The following LRP1B variants were observed in gnomAD, a reference collection of about 807,000 sequenced individuals.
LRP1B encodes the protein LDL receptor related protein 1B.
LRP1B carries 217 observed loss-of-function variants against 556.6 expected under a neutral mutation model. That is an observed-to-expected ratio of 0.39 (90% CI 0.35 to 0.44). LRP1B has a LOEUF of 0.44. Ranked by LOEUF, LRP1B falls within the 20% of genes least tolerant of loss-of-function variation. The pLI, the probability that LRP1B is intolerant of heterozygous loss-of-function variation, is 1.00. For synonymous variants in LRP1B, 2,047 were observed against 1,865.8 expected (o/e 1.10, Z -2.50); for missense variants, 5,053 against 5,620.8 (o/e 0.90, Z 3.23).
intron 41 of LRP1B, among the ~76,000 whole-genome samples, chr2:140,602,679 A>C (rs1391961934): frequency 6.6e-6 from 1 of 151,996 alleles, no homozygotes; most frequent in African/African-American, 2.4e-5. Context: ...TGGGGGGATC[A>C]ATAGGATTTT....
intron 1 of LRP1B, among the ~76,000 whole-genome samples, chr2:141,875,374 G>A (rs982526147): frequency 1.3e-5 from 2 of 151,716 alleles, no homozygotes; most frequent in African/African-American, 4.8e-5. Context: ...ATATAGACTT[G>A]CTGCCAGCAT....
At chr2:141,641,103 T>C (rs981116918) in intron 2 of LRP1B, among the ~76,000 whole-genome samples, 9 of 152,200 alleles carry the variant, frequency 5.9e-5, no homozygotes, top group Admixed American at 2.6e-4. Flanking sequence ...TCATTAATTT[T>C]CAATTATCTT....
chr2:141,708,971 C>T (rs1343677396), intron 2 of LRP1B, among the ~76,000 whole-genome samples: 1 of 152,072 alleles, frequency 6.6e-6, no homozygotes, highest in Non-Finnish European at 1.5e-5. Context: ...TGCTTGGTAC[C>T]CAGTCTGTGG....
intron 2 of LRP1B, among the ~76,000 whole-genome samples, chr2:141,535,824 C>T (rs1400346990): frequency 6.6e-6 from 1 of 152,102 alleles, no homozygotes; most frequent in Non-Finnish European, 1.5e-5. Flanking sequence ...CATCAAATCA[C>T]ATTTGGATGA....
intron 2 of LRP1B, among the ~76,000 whole-genome samples, chr2:141,622,061 T>C (rs1688523841): frequency 6.6e-6 from 1 of 152,018 alleles, no homozygotes; most frequent in South Asian, 2.1e-4. Context: ...CCAGCTAATT[T>C]TGTATTTTTA....
intron 83 of LRP1B, among the ~76,000 whole-genome samples, chr2:140,302,804 A>C (rs2105010698): frequency 6.6e-6 from 1 of 151,944 alleles, no homozygotes; most frequent in South Asian, 2.1e-4. Flanking sequence ...AAAGACTTAC[A>C]CCTGAATTGC....
rs552932866 is a variant in LRP1B, at chr2:141,158,969, T to G, written c.1013+29452A>C. 2.6e-5 allele frequency among the ~76,000 whole-genome samples: 4 copies of G among 152,144 alleles called. No individual in the cohort carries two copies. In the East Asian group the frequency reaches 5.8e-4, roughly 22 times the overall value. On this transcript the variant is annotated intron_variant, in intron 7 of 90. Coordinates refer to ENST00000389484, the MANE Select transcript of LRP1B (RefSeq NM_018557.3). ...CTTCTTATAGCCAGTTTTCACTCCA[T>G]GTTCGTCATAAGATTCTAGAAGTAT...
intron 2 of LRP1B, among the ~76,000 whole-genome samples, chr2:141,791,968 T>C (rs536853916): frequency 1.3e-5 from 2 of 152,102 alleles, no homozygotes; most frequent in African/African-American, 4.8e-5. Flanking sequence ...TGCCATTAAC[T>C]TCGGTAAGTG....
chr2:141,986,982 GTCTT>G (rs909563906), intron 1 of LRP1B, among the ~76,000 whole-genome samples: 19 of 152,004 alleles, frequency 1.2e-4, no homozygotes, highest in African/African-American at 4.3e-4. Context: ...TTAACCCTTT[GTCTT>G]TCTATTTCTT....
chr2:141,351,588 A>G (rs1688444280), intron 3 of LRP1B, among the ~76,000 whole-genome samples: 1 of 152,008 alleles, frequency 6.6e-6, no homozygotes, highest in African/African-American at 2.4e-5. Flanking sequence ...TCATTCATGT[A>G]TCAAATGTAT....
At chr2:140,583,171 CTT>C (rs1219194754) in intron 43 of LRP1B, among the ~76,000 whole-genome samples, 3 of 48,046 alleles carry the variant, frequency 6.2e-5, no homozygotes, top group African/African-American at 6.1e-5. Flanking sequence ...CCTTTTTTTT[CTT>C]TTTTTTTTTT....
chr2:140,900,318 A>G (rs1694069163), intron 23 of LRP1B, among the ~76,000 whole-genome samples: 1 of 152,248 alleles, frequency 6.6e-6, no homozygotes, highest in Non-Finnish European at 1.5e-5. Context: ...CATGTGAAAT[A>G]TGATCACAAA....
intron 2 of LRP1B, among the ~76,000 whole-genome samples, chr2:141,721,952 C>A (rs1369918167): frequency 1.3e-5 from 2 of 152,210 alleles, no homozygotes; most frequent in Non-Finnish European, 2.9e-5. Context: ...CCCATAGAAT[C>A]TGTTTCTGTG....
intron 7 of LRP1B, among the ~76,000 whole-genome samples, chr2:141,128,402 C>T (rs1449544057): frequency 4.6e-5 from 7 of 152,068 alleles, no homozygotes; most frequent in Admixed American, 1.3e-4. Context: ...TCTGATTCAT[C>T]CTGTACTGAT....
intron 35 of LRP1B, among the ~76,000 whole-genome samples, chr2:140,737,921 A>G (rs1688002410): frequency 6.6e-6 from 1 of 152,222 alleles, no homozygotes; most frequent in Admixed American, 6.5e-5. Flanking sequence ...ATAAAGCCTC[A>G]GGTACATAGT....
intron 67 of LRP1B, among the ~76,000 whole-genome samples, chr2:140,379,165 C>T (rs978064373): frequency 1.3e-5 from 2 of 152,082 alleles, no homozygotes; most frequent in African/African-American, 4.8e-5. Context: ...TTCGTGTTTT[C>T]TCTGTTCATT....
At chr2:140,959,162 G>A (rs1695962389) in intron 18 of LRP1B, among the ~76,000 whole-genome samples, 1 of 151,072 alleles carries the variant, frequency 6.6e-6, no homozygotes, top group Non-Finnish European at 1.5e-5. Flanking sequence ...AGTGGAAGAT[G>A]GATACATAAA....
chr2:140,933,037 T>C (rs555754857), intron 20 of LRP1B, among the ~76,000 whole-genome samples: 18 of 145,430 alleles, frequency 1.2e-4, no homozygotes, highest in Middle Eastern at 3.6e-3. Context: ...TTAATTTATA[T>C]GGATGCTTTT....
chr2:141,521,374 C>T (rs1366053869), intron 2 of LRP1B, among the ~76,000 whole-genome samples: 1 of 151,878 alleles, frequency 6.6e-6, no homozygotes, highest in Non-Finnish European at 1.5e-5. Flanking sequence ...TTTGTTCCTT[C>T]CTACCTTTCT....
Sources: gnomAD v4.1 joint callset for allele counts (sites outside exome capture counted in the v4.1 genomes callset) on GRCh38, gnomAD v4.1.1 for gene constraint, MANE v1.5 for transcripts, NCBI Gene and HGNC (gene_info 2026-07-23, HGNC 2026-07-21) for gene names.